Variants in HOXC5 observed in about 807,000 individuals in gnomAD.
HOXC5 encodes the protein homeobox C5.
Under a neutral mutation model 20.1 loss-of-function variants are expected in HOXC5, and 19 were observed. The observed-to-expected ratio is 0.94, with a 90% confidence interval of 0.66 to 1.38. HOXC5 has a LOEUF of 1.38. Ranked by LOEUF, HOXC5 falls within the 40% of genes most tolerant of loss-of-function variation. The pLI is 0.00. For missense variants in HOXC5, 330 were observed against 300.1 expected, an observed-to-expected ratio of 1.10 and a Z score of -0.74; for synonymous variants, 124 against 117.0, an observed-to-expected ratio of 1.06 and a Z score of -0.39.
upstream of HOXC5, among the ~76,000 whole-genome samples, chr12:54,032,437 G>A (rs1014232542): frequency 1.3e-5 from 2 of 152,216 alleles, no homozygotes; most frequent in African/African-American, 4.8e-5. Context: ...TCTACCTTTG[G>A]TTTAGGGAAC....
chr12:54,033,551 G>A lies in HOXC5; in HGVS notation c.429G>A (p.Trp143Ter). The A allele has an allele frequency of 1.3e-6, 2 of 1,595,978 alleles. No individual in the cohort carries two copies. Among genetic ancestry groups the A allele is most frequent in the Non-Finnish European group, 1.7e-6 (2 of 1,175,750 alleles). ...QPPAPPQIYP[W>*]MTKLHMSHET... ...CGGCCCCGCCACAGATTTACCCGTG[G>A]ATGACCAAACTGCACATGAGCCACG... The change falls in exon 1 of 2, where the codon TGG (tryptophan) becomes TGA (stop). Residue 143 changes from tryptophan (W) to a stop codon, truncating the protein, a stop_gained. Coordinates refer to ENST00000312492, the MANE Select transcript of HOXC5 (RefSeq NM_018953.4). LOFTEE classifies it high-confidence loss of function.
chr12:54,029,657 G>C, upstream of HOXC5: 1 of 1,611,260 alleles, frequency 6.2e-7, no homozygotes, highest in Non-Finnish European at 8.5e-7. Context: ...ATCTTTAGGG[G>C]TCGGCTACGG....
At chr12:54,018,491 G>C in the HOXC5 span, among the ~76,000 whole-genome samples, 1 of 152,246 alleles carries the variant, frequency 6.6e-6, no homozygotes, top group African/African-American at 2.4e-5. Flanking sequence ...GGGGCGGCGG[G>C]AGGGTCCTGG....
chr12:54,029,596 CA>C, upstream of HOXC5: 1 of 1,545,414 alleles, frequency 6.5e-7, no homozygotes, highest in Non-Finnish European at 8.8e-7. Flanking sequence ...CTAGGCGAAA[CA>C]GTCTGCAGAG....
the HOXC5 span, among the ~76,000 whole-genome samples, chr12:54,027,167 G>A: frequency 6.6e-6 from 1 of 152,188 alleles, no homozygotes; most frequent in Non-Finnish European, 1.5e-5. Context: ...CTGCCTTTTC[G>A]TAACCGTCTC....
In HOXC5 at chr12:54,034,476, G is replaced by A. The variant is rs765585861; in HGVS notation, c.653G>A (p.Ser218Asn). 18 of 1,613,922 alleles carry A rather than the reference G, an allele frequency of 1.1e-5. No homozygotes were observed. Among genetic ancestry groups the A allele is most frequent in the African/African-American group, 6.7e-5 (5 of 74,950 alleles). ...TGGAAGAAAGATTCCAAAATGAAAA[G>A]CAAAGAGGCTCTTTAGAGGCAGCGG... ...MKWKKDSKMK[S>N]KEAL The change falls in exon 2 of 2, where the codon AGC (serine) becomes AAC (asparagine). Residue 218 changes from serine to asparagine, a missense_variant. Transcript: ENST00000312492.
chr12:54,034,800 G>T lies in HOXC5; in HGVS notation c.*308G>T, dbSNP rs1941138976. 5.4e-6 allele frequency: 2 copies of T among 368,684 alleles called. No homozygotes were observed. Among genetic ancestry groups the T allele is most frequent in the African/African-American group, 2.1e-5 (1 of 48,386 alleles). The allele number at this position is 368,684 out of a possible 1,614,324, so 22.8% of individuals were successfully genotyped here. ...ACAGGCTGGCGCAGAACGAACCTTG[G>T]CCTGGGCCGTATCTCCGGCTCCCAG... On this transcript the variant is annotated 3_prime_UTR_variant, in exon 2 of 2. Transcript: ENST00000312492.
chr12:54,028,246 CATATATATAT>C, upstream of HOXC5: 8 of 148,814 alleles, frequency 5.4e-5, no homozygotes, highest in Admixed American at 4.2e-4. Context: ...AGTTCCCTTA[CATATATATAT>C]ATATATATAT....
At chr12:54,029,739 T>A (rs372813456), upstream of HOXC5, 20 of 1,614,024 alleles carry the variant, frequency 1.2e-5, no homozygotes, top group Admixed American at 3.3e-4. Context: ...GAATTTCACT[T>A]CAATCGCTAC....
chr12:54,034,473 A>G lies in HOXC5; in HGVS notation c.650A>G (p.Lys217Arg). The change falls in exon 2 of 2, where the codon AAA (lysine) becomes AGA (arginine). Residue 217 changes from lysine (K) to arginine (R), a missense_variant. By Grantham distance (26) the Lys-to-Arg change is conservative. Coordinates refer to ENST00000312492, the MANE Select transcript of HOXC5 (RefSeq NM_018953.4). ...RMKWKKDSKM[K>R]SKEAL ...AAGTGGAAGAAAGATTCCAAAATGA[A>G]AAGCAAAGAGGCTCTTTAGAGGCAG... 6.2e-7 allele frequency: 1 copy of G among 1,614,116 alleles called. No individual in the cohort carries two copies. Among genetic ancestry groups the G allele is most frequent in the Non-Finnish European group, 8.5e-7 (1 of 1,180,012 alleles).
At chr12:54,027,118 G>A in the HOXC5 span, among the ~76,000 whole-genome samples, 3 of 152,242 alleles carry the variant, frequency 2.0e-5, no homozygotes, top group Non-Finnish European at 4.4e-5. Flanking sequence ...CGCTGTTTCA[G>A]TTCGCCTACT....
At chr12:54,028,251 A>C, upstream of HOXC5, 1 of 131,564 alleles carries the variant, frequency 7.6e-6, no homozygotes, top group Non-Finnish European at 1.4e-5. Context: ...CCTTACATAT[A>C]TATATATATA....
the HOXC5 span, among the ~76,000 whole-genome samples, chr12:54,026,391 A>G: frequency 6.6e-6 from 1 of 152,226 alleles, no homozygotes; most frequent in Non-Finnish European, 1.5e-5. Context: ...TCTAGGGCAA[A>G]AAGCAACTCA....
chr12:54,029,059 C>G (rs1213613069), upstream of HOXC5: 6 of 846,856 alleles, frequency 7.1e-6, no homozygotes, highest in African/African-American at 3.4e-5. Flanking sequence ...GAGACAGGGC[C>G]CCCTCTTCTG....
At chr12:54,028,710 C>G (rs1192042610), upstream of HOXC5, 1 of 1,614,088 alleles carries the variant, frequency 6.2e-7, no homozygotes, top group Non-Finnish European at 8.5e-7. Flanking sequence ...ATGTCGTGTT[C>G]AGTTCCAGCC....
chr12:54,034,246 C>G (rs769479523), intron 1 of HOXC5, 32 bp from the exon 2 acceptor site: 3 of 1,590,644 alleles, frequency 1.9e-6, no homozygotes, highest in East Asian at 2.2e-5. Flanking sequence ...CTATTCACCC[C>G]TTCCTGGCTT....
Position 54,034,896 on chromosome 12 carries a change from C to T in HOXC5, c.*404C>T, listed in dbSNP as rs1941143109. ...CAGGACCCTCGCCGGACCCTCTAAC[C>T]TCGCCCTCTCCTTTGTTCCCGGCTG... On this transcript the variant is annotated 3_prime_UTR_variant, in exon 2 of 2. Coordinates refer to ENST00000312492, the MANE Select transcript of HOXC5 (RefSeq NM_018953.4). 4.2e-6 allele frequency: 1 copy of T among 238,798 alleles called. No homozygotes were observed. 14.8% of individuals were successfully genotyped at this position (238,798 alleles called of 1,614,324 possible).
intron 1 of HOXC5, chr12:54,033,899 C>G (rs1941089430): frequency 2.0e-6 from 1 of 490,296 alleles, no homozygotes; most frequent in Non-Finnish European, 3.8e-6. Context: ...TCCCTCCCTC[C>G]CCTGCGGAGC....
intron 1 of HOXC5, 38 bp from the exon 2 acceptor site, chr12:54,034,240 T>C (rs772302436): frequency 6.4e-7 from 1 of 1,551,604 alleles, no homozygotes; most frequent in Admixed American, 1.7e-5. Flanking sequence ...TGCAAGCTAT[T>C]CACCCCTTCC....
Sources: allele counts gnomAD v4.1 joint callset (sites outside exome capture counted in the v4.1 genomes callset), GRCh38; gene constraint gnomAD v4.1.1; transcripts MANE v1.5; gene names NCBI Gene and HGNC (gene_info 2026-07-23, HGNC 2026-07-21).